Variants in METRNL observed in about 807,000 individuals in gnomAD.
The protein encoded by METRNL is meteorin-like protein.
METRNL carries 9 observed loss-of-function variants against 17.4 expected under a neutral mutation model. That is an observed-to-expected ratio of 0.52 (90% confidence interval 0.31 to 0.90). The LOEUF (loss-of-function observed/expected upper bound fraction) is 0.90. Among genes scored for constraint, METRNL ranks in the 40% least tolerant of loss-of-function variants. The probability of loss-of-function intolerance (pLI) is 0.05; values close to 1 mark genes in which losing one functional copy is unlikely to be tolerated. For missense variants in METRNL, 408 were observed against 430.7 expected (o/e 0.95, Z 0.47); for synonymous variants, 215 against 199.3 (o/e 1.08, Z -0.66).
chr17:83,085,161 C>T lies in METRNL; in HGVS notation c.394C>T (p.Pro132Ser), dbSNP rs865925794. 1.9e-6 allele frequency: 3 copies of T among 1,612,936 alleles called. No individual in the cohort carries two copies. The African/African-American group carries it at 4.0e-5, about 22-fold the overall frequency. The change falls in exon 2 of 4, where the codon CCA (proline) becomes TCA (serine). Residue 132 changes from proline to serine, a missense_variant. Physicochemically the swap from Pro to Ser is moderately conservative, Grantham distance 74. Transcript: ENST00000320095. ...AACTGGAGAACTGAGACTGCTGGTA[C>T]CAGACGGGGACGGCAGGCCCGGCCG... is the stretch of plus-strand genomic sequence containing the variant. ...EKTGELRLLV[P>S]DGDGRPGRVQ... is the part of the protein sequence containing the mutation.
rs1257019747 is a variant in METRNL, at chr17:83,085,122, A to G, written c.355A>G (p.Ile119Val). 6.2e-7 allele frequency: 1 copy of G among 1,613,582 alleles called. No individual in the cohort carries two copies. ...RSFTDSSGANIYLEKTGELRL... is the reference protein window; with the variant it reads ...RSFTDSSGANVYLEKTGELRL... ...CTTCACGGACTCCTCGGGGGCCAAT[A>G]TTTATTTGGAAAAAACTGGAGAACT... Residue 119 changes from isoleucine (I) to valine (V), a missense_variant, in exon 2 of 4, where the codon ATT (isoleucine) becomes GTT (valine). Ile to Val is a conservative substitution (Grantham distance 29). Coordinates refer to ENST00000320095, the MANE Select transcript of METRNL (RefSeq NM_001004431.3).
In METRNL at chr17:83,079,788, G is replaced by A. The variant is rs2037959423; in HGVS notation, c.-28G>A. On this transcript the variant is annotated 5_prime_UTR_variant, in exon 1 of 4. Coordinates refer to ENST00000320095, the MANE Select transcript of METRNL (RefSeq NM_001004431.3). ...TCTGCTCCGGGGGTCGCGGACGCGG[G>A]GCCGGGCGGCGGAGCCGGCGCCAGA... 7.2e-6 allele frequency: 7 copies of A among 972,722 alleles called. No homozygotes were observed. The highest frequency in any genetic ancestry group is 6.4e-5 in the Admixed American group (1 of 15,658). The allele number at this position is 972,722 out of a possible 1,614,324, so 60.3% of individuals were successfully genotyped here.
chr17:83,094,763 C>A lies in METRNL; in HGVS notation c.*188C>A. ...CCCCATGAGCTTCCAGCCAAGGATG[C>A]CCTGGCCGATTGGAAATGCTGTAAA... On this transcript the variant is annotated 3_prime_UTR_variant, in exon 4 of 4. Transcript: ENST00000320095. 4.8e-6 allele frequency: 2 copies of A among 414,360 alleles called. No homozygotes were observed. The highest frequency in any genetic ancestry group is 8.3e-6 in the Non-Finnish European group (2 of 240,226). The allele number at this position is 414,360 out of a possible 1,614,324, so 25.7% of individuals were successfully genotyped here. A position where few individuals can be genotyped will look rare whatever the true frequency, so the allele number is the denominator to read the frequency against.
intron 1 of METRNL, chr17:83,080,204 G>A (rs2037966377): frequency 3.1e-5 from 5 of 163,136 alleles, no homozygotes; most frequent in Non-Finnish European, 6.4e-5. Context: ...GGACGCCCGG[G>A]GGAGGCGCGC....
chr17:83,090,735 C>T (rs979760999), intron 2 of METRNL, among the ~76,000 whole-genome samples: 2 of 151,664 alleles, frequency 1.3e-5, no homozygotes, highest in African/African-American at 4.8e-5. Context: ...CATGAGGCGC[C>T]CTGGGCTGGG....
chr17:83,079,694 G>A lies in METRNL; in HGVS notation c.-122G>A, dbSNP rs2037958000. The A allele has an allele frequency of 3.6e-6, 1 of 278,814 alleles. No individual in the cohort carries two copies. The highest frequency in any genetic ancestry group is 5.4e-6 in the Non-Finnish European group (1 of 186,900). 17.3% of individuals were successfully genotyped at this position (278,814 alleles called of 1,614,324 possible). ...GGCGGGCGGCCGCGCGGAGGACGCG[G>A]GGGGCGCGCGACGTGACCACCCGGA... On this transcript the variant is annotated 5_prime_UTR_variant, in exon 1 of 4. Coordinates refer to ENST00000320095, the MANE Select transcript of METRNL (RefSeq NM_001004431.3).
intron 2 of METRNL, among the ~76,000 whole-genome samples, chr17:83,091,833 T>C (rs908873983): frequency 6.6e-6 from 1 of 152,218 alleles, no homozygotes; most frequent in African/African-American, 2.4e-5. Flanking sequence ...AAGTTTCTAT[T>C]GCGTTAGGAG....
intron 1 of METRNL, among the ~76,000 whole-genome samples, chr17:83,082,393 T>A (rs2038000096): frequency 6.6e-6 from 1 of 152,236 alleles, no homozygotes; most frequent in African/African-American, 2.4e-5. Flanking sequence ...AGTCCCTTTA[T>A]CCACTTGGGA....
In METRNL at chr17:83,084,881, C is replaced by T. The variant is rs9901794; in HGVS notation, c.171-57C>T. Reference sequence around the variant, plus strand: ...CGTCCTCACTGACTCTCTGTGGGTGCGGGTGGGGTGTGTGACGGGAGCTCC... The same window carrying T: ...CGTCCTCACTGACTCTCTGTGGGTGTGGGTGGGGTGTGTGACGGGAGCTCC... On this transcript the variant is annotated intron_variant, in intron 1 of 3. Transcript: ENST00000320095. 19,024 of 1,555,662 alleles carry T rather than the reference C, an allele frequency of 0.012. 2,050 individuals are homozygous for T. The African/African-American group carries it at 0.23, about 19-fold the overall frequency.
chr17:83,094,382 G>A lies in METRNL; in HGVS notation c.743G>A (p.Gly248Asp). 1 of 1,610,650 alleles carries A rather than the reference G, an allele frequency of 6.2e-7. No individual in the cohort carries two copies. ...TTCGAGCCGGTGCCCGAGGGTGACG[G>A]CCACTGGCAGGGGCGCGTCAGGACG... ...RVFEPVPEGD[G>D]HWQGRVRTLL... Residue 248 changes from glycine to aspartate, a missense_variant, in exon 4 of 4, where the codon GGC (glycine) becomes GAC (aspartate). By Grantham distance (94) the Gly-to-Asp change is moderately conservative. Transcript: ENST00000320095.
At chr17:83,082,256 C>T (rs1467472968) in intron 1 of METRNL, 1 of 985,304 alleles carries the variant, frequency 1.0e-6, no homozygotes, top group Non-Finnish European at 1.2e-6. Context: ...AGTTAACCTG[C>T]CAGTGGGTTC....
chr17:83,091,951 G>A (rs148317003), intron 2 of METRNL, among the ~76,000 whole-genome samples: 428 of 152,324 alleles, frequency 2.8e-3, no homozygotes, highest in African/African-American at 9.8e-3. Flanking sequence ...GTAGGAATGC[G>A]GGGCGTGCAG....
rs2037957627 is a variant in METRNL at position 83,079,675 on chromosome 17, C to A, written c.-141C>A. The stretch of plus-strand genomic sequence containing the variant: ...GCTCCAGCGGGCCGGGATGGGCGGG[C>A]GGCCGCGCGGAGGACGCGGGGGGCG... On this transcript the variant is annotated 5_prime_UTR_variant, in exon 1 of 4. Transcript: ENST00000320095. 3 of 203,836 alleles carry A rather than the reference C, an allele frequency of 1.5e-5. No homozygotes were observed. The South Asian group carries it at 4.5e-4, about 31-fold the overall frequency. 12.6% of individuals were successfully genotyped at this position (203,836 alleles called of 1,614,324 possible). A position where few individuals can be genotyped will look rare whatever the true frequency, so the allele number is the denominator to read the frequency against.
At chr17:83,085,413 C>T (rs551924975) in intron 2 of METRNL, 90 bp downstream of exon 2, 31 of 1,446,592 alleles carry the variant, frequency 2.1e-5, no homozygotes, top group South Asian at 1.4e-4. Context: ...CCTGTCCCCT[C>T]GTCTGCTCAG....
intron 2 of METRNL, among the ~76,000 whole-genome samples, chr17:83,088,845 GAA>G (rs34207128): frequency 1.3e-5 from 2 of 152,184 alleles, no homozygotes; most frequent in Non-Finnish European, 2.9e-5. Context: ...GGGATGGGTG[GAA>G]AAGTGTGGAA....
intron 2 of METRNL, among the ~76,000 whole-genome samples, chr17:83,086,131 C>T (rs1336867481): frequency 6.6e-6 from 1 of 152,212 alleles, no homozygotes; most frequent in Non-Finnish European, 1.5e-5. Context: ...TGGGAGGCAC[C>T]TGTGGGCCGT....
In METRNL at chr17:83,094,641, TGGGGCCGTGCGGTG is replaced by T; in HGVS notation, c.*67_*80del. ...GCTGCGGTGGGCGCTGCGGTCCTGG[TGGGGCCGTGCGGTG>T]AGGGCCGCGCGCTGGGAGCCGCATG... On this transcript the variant is annotated 3_prime_UTR_variant, in exon 4 of 4. Transcript: ENST00000320095. The T allele has an allele frequency of 1.5e-6, 2 of 1,331,362 alleles. No individual in the cohort carries two copies. Among genetic ancestry groups the T allele is most frequent in the Non-Finnish European group, 2.0e-6 (2 of 1,023,752 alleles). 82.5% of individuals were successfully genotyped at this position (1,331,362 alleles called of 1,614,324 possible).
chr17:83,080,857 G>GGCCCCCGCCCCC (rs533735221), intron 1 of METRNL, among the ~76,000 whole-genome samples: 97 of 150,662 alleles, frequency 6.4e-4, no homozygotes, highest in African/African-American at 1.8e-3. Flanking sequence ...CCCTCGGCGC[G>GGCCCCCGCCCCC]GCCCCCGCCC....
intron 2 of METRNL, 145 bp from the exon 3 acceptor site, chr17:83,093,022 A>G (rs548573791): frequency 1.6e-6 from 1 of 644,856 alleles, no homozygotes; most frequent in East Asian, 2.8e-5. Flanking sequence ...TCACATTTGA[A>G]GTGGCGTTGG....
Sources: gnomAD v4.1 joint callset for allele counts (sites outside exome capture counted in the v4.1 genomes callset) on GRCh38, gnomAD v4.1.1 for gene constraint, MANE v1.5 for transcripts, NCBI Gene and HGNC (gene_info 2026-07-23, HGNC 2026-07-21) for gene names.